The following SLC4A4 variants were observed in gnomAD, a reference collection of about 807,000 sequenced individuals.
SLC4A4 encodes the protein electrogenic sodium bicarbonate cotransporter 1.
SLC4A4 carries 27 observed loss-of-function variants against 111.5 expected under a neutral mutation model. The ratio of observed to expected loss-of-function variants is 0.24; its 90% CI spans 0.18 to 0.33. The LOEUF (loss-of-function observed/expected upper bound fraction) is 0.33. Ranked by LOEUF, SLC4A4 falls within the 10% of genes least tolerant of loss-of-function variation. SLC4A4 has a pLI of 1.00. For synonymous variants in SLC4A4, 443 were observed against 463.4 expected (o/e 0.96, Z 0.57); for missense variants, 909 against 1,315.5 (o/e 0.69, Z 4.78).
chr4:71,333,503 A>T lies in SLC4A4; in HGVS notation c.254-5867A>T, dbSNP rs549053000. ...AGACTCGAAGTCAGCACAGCATTGGATCTCACCCAAGGCCCACAGTGACCA... is the reference window on the plus strand; with the variant it reads ...AGACTCGAAGTCAGCACAGCATTGGTTCTCACCCAAGGCCCACAGTGACCA... On this transcript the variant is annotated intron_variant, in intron 3 of 25. Coordinates refer to ENST00000264485, the MANE Select transcript of SLC4A4 (RefSeq NM_001098484.3). Among the ~76,000 whole-genome samples the T allele has an allele frequency of 1.8e-3, 269 of 152,248 alleles. 2 individuals are homozygous for T. The highest frequency in any genetic ancestry group is 6.3e-3 in the African/African-American group (262 of 41,546).
chr4:71,171,473 C>T (rs1280449559), intron 2 of SLC4A4, among the ~76,000 whole-genome samples: 5 of 152,154 alleles, frequency 3.3e-5, no homozygotes, highest in Non-Finnish European at 7.4e-5. Flanking sequence ...AGCCTCTGTT[C>T]CCTCAATTGT....
intron 6 of SLC4A4, among the ~76,000 whole-genome samples, chr4:71,396,961 A>G (rs951628530): frequency 6.6e-5 from 10 of 152,246 alleles, no homozygotes; most frequent in African/African-American, 2.2e-4. Flanking sequence ...CAGAGAAATA[A>G]GGCAGCCTGT....
Position 71,294,411 on chromosome 4 carries a change from G to T in SLC4A4, c.253+39012G>T, listed in dbSNP as rs143470160. 3.3e-4 allele frequency among the ~76,000 whole-genome samples: 51 copies of T among 152,300 alleles called. No homozygotes were observed. The East Asian group carries it at 9.6e-3, about 29-fold the overall frequency. ...ATGGGTTGATGTAAGTTCATGTTTGGATGTTTTAAAATTGGTTGGAACCTG... is the reference window on the plus strand; with the variant it reads ...ATGGGTTGATGTAAGTTCATGTTTGTATGTTTTAAAATTGGTTGGAACCTG... On this transcript the variant is annotated intron_variant, in intron 3 of 25. Transcript: ENST00000264485.
intron 14 of SLC4A4, among the ~76,000 whole-genome samples, chr4:71,481,867 G>A (rs1728913742): frequency 6.6e-6 from 1 of 151,550 alleles, no homozygotes; most frequent in African/African-American, 2.4e-5. Context: ...CTGAAAGCCA[G>A]TATGAAACAG....
At chr4:71,145,336 G>T (rs572235740) in intron 2 of SLC4A4, among the ~76,000 whole-genome samples, 1 of 152,140 alleles carries the variant, frequency 6.6e-6, no homozygotes, top group Admixed American at 6.6e-5. Context: ...ATGTGTTGCT[G>T]GATTCAGTCT....
At chr4:71,185,252 T>G (rs1317109157), upstream of SLC4A4, among the ~76,000 whole-genome samples, 7 of 152,358 alleles carry the variant, frequency 4.6e-5, no homozygotes, top group East Asian at 1.3e-3. Context: ...TTGAAATACA[T>G]AATCCACAGT....
At chr4:71,110,516 G>T (rs1487896213) in intron 2 of SLC4A4, among the ~76,000 whole-genome samples, 1 of 152,142 alleles carries the variant, frequency 6.6e-6, no homozygotes. Context: ...AAATCTCATG[G>T]TAACTTTTAT....
At chr4:71,462,891 G>A (rs1012378886) in intron 12 of SLC4A4, among the ~76,000 whole-genome samples, 5 of 152,098 alleles carry the variant, frequency 3.3e-5, no homozygotes, top group African/African-American at 1.2e-4. Context: ...AAATAATATG[G>A]TATAGATGTC....
chr4:71,226,606 C>T (rs1560792860), intron 1 of SLC4A4, among the ~76,000 whole-genome samples: 1 of 152,074 alleles, frequency 6.6e-6, no homozygotes, highest in Non-Finnish European at 1.5e-5. Flanking sequence ...AAACATAATA[C>T]TCTTCAGGGA....
rs10084907 is a variant in SLC4A4 at position 71,473,982 on chromosome 4, C to T, written c.1903+1012C>T. ...TTGAGAGGCTGAGGCAGGTGGATTG[C>T]TTGAGCCCAGGAGTTTGAGACCAGT... On this transcript the variant is annotated intron_variant, in intron 14 of 25. Transcript: ENST00000264485. Among the ~76,000 whole-genome samples the T allele has an allele frequency of 8.3e-3, 1,259 of 151,796 alleles. 14 individuals carry two copies. The highest frequency in any genetic ancestry group is 0.029 in the African/African-American group (1,186 of 41,452).
At chr4:71,111,343 T>C (rs1273275074) in intron 2 of SLC4A4, among the ~76,000 whole-genome samples, 1 of 151,956 alleles carries the variant, frequency 6.6e-6, no homozygotes, top group Non-Finnish European at 1.5e-5. Context: ...CTAAGTTGCA[T>C]GTTCTTGTTC....
chr4:71,069,364 A>C (rs375503308), intron 1 of SLC4A4, among the ~76,000 whole-genome samples: 19 of 152,330 alleles, frequency 1.2e-4, no homozygotes, highest in South Asian at 6.2e-4. Context: ...GACAAAAAAA[A>C]CCAAAAAACA....
rs570757338 is a variant in SLC4A4 at position 71,560,052 on chromosome 4, T to C, written c.2938-41T>C. 38 of 1,505,180 alleles carry C rather than the reference T, an allele frequency of 2.5e-5. No homozygotes were observed. The South Asian group carries it at 4.3e-4, about 17-fold the overall frequency. 93.2% of individuals were successfully genotyped at this position (1,505,180 alleles called of 1,614,324 possible). On this transcript the variant is annotated intron_variant, in intron 22 of 25. Transcript: ENST00000264485. ...TATCTATGCTTGCTGTGACTTCATC[T>C]GACATGGTTTCTTTCATACTTTTAA...
At chr4:71,204,282 G>A (rs1717609591) in intron 1 of SLC4A4, among the ~76,000 whole-genome samples, 1 of 152,102 alleles carries the variant, frequency 6.6e-6, no homozygotes, top group Non-Finnish European at 1.5e-5. Context: ...ATAATTAATT[G>A]CCACAACCCC....
chr4:71,493,981 G>T (rs1385894220), intron 15 of SLC4A4, among the ~76,000 whole-genome samples: 1 of 151,616 alleles, frequency 6.6e-6, no homozygotes, highest in Non-Finnish European at 1.5e-5. Context: ...GTGTTTTGTG[G>T]TATCTTCACT....
At chr4:71,391,637 A>G (rs1043293921) in intron 6 of SLC4A4, among the ~76,000 whole-genome samples, 18 of 152,064 alleles carry the variant, frequency 1.2e-4, no homozygotes, top group African/African-American at 4.1e-4. Context: ...TGATTCTCCA[A>G]AGCTTTCTTT....
intron 2 of SLC4A4, among the ~76,000 whole-genome samples, chr4:71,240,386 CA>C (rs1720114140): frequency 6.6e-6 from 1 of 152,188 alleles, no homozygotes; most frequent in Admixed American, 6.5e-5. Context: ...TTCTTAACAT[CA>C]AGTTCAACCA....
At chr4:71,424,181 G>A (rs1318113263) in intron 7 of SLC4A4, among the ~76,000 whole-genome samples, 4 of 152,102 alleles carry the variant, frequency 2.6e-5, no homozygotes, top group African/African-American at 9.6e-5. Flanking sequence ...GTGGGCAAAG[G>A]ACATGAACAG....
intron 7 of SLC4A4, among the ~76,000 whole-genome samples, chr4:71,423,856 A>T (rs1217880745): frequency 2.0e-5 from 3 of 152,240 alleles, no homozygotes; most frequent in Non-Finnish European, 2.9e-5. Context: ...TGGATTAAAG[A>T]CTTAAACATT....
Sources: gnomAD v4.1 joint callset for allele counts (sites outside exome capture counted in the v4.1 genomes callset) on GRCh38, gnomAD v4.1.1 for gene constraint, MANE v1.5 for transcripts, NCBI Gene and HGNC (gene_info 2026-07-23, HGNC 2026-07-21) for gene names.